The following PCDH15 variants were observed in gnomAD, a reference collection of about 807,000 sequenced individuals.
PCDH15 encodes protocadherin related 15.
Under a neutral mutation model 178.5 loss-of-function variants are expected in PCDH15, and 129 were observed. The ratio of observed to expected loss-of-function variants is 0.72; its 90% CI spans 0.63 to 0.84. The LOEUF is 0.84. PCDH15 is among the 40% of genes least tolerant of loss of function. The pLI is 0.00. For synonymous variants in PCDH15, 800 were observed against 732.0 expected (o/e 1.09, Z -1.50); for missense variants, 2,230 against 2,099.9 (o/e 1.06, Z -1.21).
chr10:54,002,103 A>G (rs1277002439), intron 20 of PCDH15, among the ~76,000 whole-genome samples: 1 of 150,058 alleles, frequency 6.7e-6, no homozygotes, highest in African/African-American at 2.5e-5. Flanking sequence ...ACATGTGTAT[A>G]CATACATATG....
chr10:55,599,344 T>G (rs969286012), intron 2 of PCDH15: 2 of 152,162 alleles, frequency 1.3e-5, no homozygotes, highest in Admixed American at 6.6e-5. Context: ...ACAGAATTAC[T>G]TAATCCTCCT....
At chr10:55,431,897 T>G (rs1838888338) in intron 2 of PCDH15, among the ~76,000 whole-genome samples, 1 of 152,176 alleles carries the variant, frequency 6.6e-6, no homozygotes, top group African/African-American at 2.4e-5. Flanking sequence ...TAACCATTAT[T>G]CTATGTGTGA....
intron 2 of PCDH15, among the ~76,000 whole-genome samples, chr10:54,976,914 A>T (rs1231324088): frequency 2.0e-5 from 3 of 152,158 alleles, no homozygotes; most frequent in Non-Finnish European, 4.4e-5. Flanking sequence ...TTTGGTCTAC[A>T]CCTAGGAATG....
intron 8 of PCDH15, among the ~76,000 whole-genome samples, chr10:54,260,112 T>C (rs528964658): frequency 1.3e-4 from 20 of 152,322 alleles, no homozygotes; most frequent in Admixed American, 6.5e-4. Context: ...ATTTATCGTA[T>C]GTAAAATAAA....
intron 3 of PCDH15, among the ~76,000 whole-genome samples, chr10:54,392,730 C>A (rs1415151381): frequency 6.6e-6 from 1 of 151,358 alleles, no homozygotes; most frequent in African/African-American, 2.4e-5. Flanking sequence ...GAAACCCTGT[C>A]TCTACTAAAA....
At chr10:55,463,899 GAGAAAGAAAGAAAGAAAGAAAGAAAGAA>G (rs71014491) in intron 2 of PCDH15, among the ~76,000 whole-genome samples, 4 of 47,438 alleles carry the variant, frequency 8.4e-5, no homozygotes, top group Non-Finnish European at 1.2e-4. Context: ...GGGAGAGAGA[GAGAAAGAAAGAAAGAAAGAAAGAAAGAA>G]AGAAAGAAAG....
At chr10:54,730,129 C>T (rs902784950) in intron 1 of PCDH15, among the ~76,000 whole-genome samples, 4 of 151,394 alleles carry the variant, frequency 2.6e-5, no homozygotes, top group African/African-American at 7.3e-5. Flanking sequence ...CTTATAGTAA[C>T]GAAGACATGG....
intron 23 of PCDH15, among the ~76,000 whole-genome samples, chr10:53,946,656 T>C (rs10825170): frequency 0.32 from 48,237 of 152,164 alleles, 9,747 homozygotes; most frequent in Middle Eastern, 0.56. Flanking sequence ...TCAAAATAAC[T>C]CCAAAATGGT....
intron 2 of PCDH15, among the ~76,000 whole-genome samples, chr10:55,427,799 T>C (rs914715334): frequency 2.8e-5 from 4 of 143,066 alleles, no homozygotes; most frequent in African/African-American, 9.7e-5. Flanking sequence ...AAAAAGTAAA[T>C]TATTAAATAT....
chr10:54,227,870 A>T (rs1259543487), intron 9 of PCDH15, among the ~76,000 whole-genome samples: 2 of 152,196 alleles, frequency 1.3e-5, no homozygotes, highest in Non-Finnish European at 2.9e-5. Flanking sequence ...TTTTGCTAAA[A>T]CATAACAAGA....
intron 2 of PCDH15, among the ~76,000 whole-genome samples, chr10:55,457,875 A>G: frequency 6.6e-6 from 1 of 152,166 alleles, no homozygotes; most frequent in South Asian, 2.1e-4. Context: ...CACTATATTA[A>G]TAAGTCGGCT....
chr10:54,678,033 G>A (rs1018543037), intron 1 of PCDH15, among the ~76,000 whole-genome samples: 2 of 152,100 alleles, frequency 1.3e-5, no homozygotes, highest in African/African-American at 2.4e-5. Flanking sequence ...TAAAGATAAT[G>A]TACCAGGATG....
intron 3 of PCDH15, among the ~76,000 whole-genome samples, chr10:54,879,376 G>C (rs1457537872): frequency 6.6e-6 from 1 of 151,924 alleles, no homozygotes; most frequent in Non-Finnish European, 1.5e-5. Context: ...AAAAGTTTCT[G>C]GTAAATATTA....
intron 28 of PCDH15, among the ~76,000 whole-genome samples, chr10:53,855,534 A>C (rs144559709): frequency 2.4e-4 from 36 of 152,144 alleles, no homozygotes; most frequent in African/African-American, 7.7e-4. Flanking sequence ...AACTATCCTG[A>C]AATAATTGTT....
chr10:54,987,189 A>T (rs1448422776), intron 2 of PCDH15, among the ~76,000 whole-genome samples: 2 of 152,184 alleles, frequency 1.3e-5, no homozygotes, highest in African/African-American at 4.8e-5. Flanking sequence ...TGCAGAGGAC[A>T]TGAACTCATC....
At chr10:54,041,185 C>T (rs958753522) in intron 18 of PCDH15, among the ~76,000 whole-genome samples, 1 of 152,046 alleles carries the variant, frequency 6.6e-6, no homozygotes, top group Non-Finnish European at 1.5e-5. Flanking sequence ...ACAAAATGTG[C>T]CTTGTTCACA....
chr10:54,452,407 A>C (rs1380408631), intron 3 of PCDH15: 1 of 152,010 alleles, frequency 6.6e-6, no homozygotes, highest in Admixed American at 6.6e-5. Context: ...ATAGAATTTT[A>C]CCTATATTTA....
At chr10:54,442,435 T>TATATATATAC (rs2075870441) in intron 3 of PCDH15, among the ~76,000 whole-genome samples, 1 of 117,476 alleles carries the variant, frequency 8.5e-6, no homozygotes, top group African/African-American at 3.8e-5. Flanking sequence ...TATATATATA[T>TATATATATAC]ATATATATAT....
intron 1 of PCDH15, among the ~76,000 whole-genome samples, chr10:55,254,960 T>A (rs1175860798): frequency 6.6e-6 from 1 of 152,182 alleles, no homozygotes; most frequent in East Asian, 1.9e-4. Context: ...TTTCTTTTTT[T>A]TTTTATTATA....
Sources: gnomAD v4.1 joint callset for allele counts (sites outside exome capture counted in the v4.1 genomes callset) on GRCh38, gnomAD v4.1.1 for gene constraint, MANE v1.5 for transcripts, NCBI Gene and HGNC (gene_info 2026-07-23, HGNC 2026-07-21) for gene names.